Variants in SOS2 observed in about 807,000 individuals in gnomAD.
The protein encoded by SOS2 is son of sevenless homolog 2.
A neutral mutation model predicts 148.2 loss-of-function variants in SOS2; 65 were observed. The ratio of observed to expected loss-of-function variants is 0.44; its 90% CI spans 0.36 to 0.54. SOS2 has a LOEUF of 0.54. SOS2 is among the 20% of genes least tolerant of loss of function. The pLI is 0.00. For synonymous variants in SOS2, 539 were observed against 537.1 expected (o/e 1.00, Z -0.05); for missense variants, 1,341 against 1,590.2 (o/e 0.84, Z 2.67).
At chr14:50,199,613 T>C in intron 4 of SOS2, 78 bp downstream of exon 4, 1 of 810,842 alleles carries the variant, frequency 1.2e-6, no homozygotes, top group Non-Finnish European at 1.9e-6. Context: ...ACTTATCTAA[T>C]AATGTACACA....
intron 16 of SOS2, among the ~76,000 whole-genome samples, chr14:50,143,342 A>AG (rs1884356824): frequency 6.6e-6 from 1 of 151,460 alleles, no homozygotes; most frequent in Admixed American, 6.6e-5. Context: ...AAAAAAAAAA[A>AG]AAAAATCAAC....
intron 21 of SOS2, among the ~76,000 whole-genome samples, chr14:50,122,775 C>T (rs1366668001): frequency 6.6e-6 from 1 of 152,196 alleles, no homozygotes. Flanking sequence ...TCTTTATGAA[C>T]TTTTTTAGTG....
chr14:50,148,359 G>A (rs368118973), intron 14 of SOS2, among the ~76,000 whole-genome samples: 12 of 148,188 alleles, frequency 8.1e-5, no homozygotes, highest in African/African-American at 2.5e-4. Context: ...GCAGTGAGCC[G>A]AGATTGCACA....
chr14:50,168,710 C>T (rs1029280339), intron 8 of SOS2, among the ~76,000 whole-genome samples: 1 of 151,998 alleles, frequency 6.6e-6, no homozygotes, highest in African/African-American at 2.4e-5. Flanking sequence ...AGTACTCATC[C>T]AAAATAAATT....
intron 21 of SOS2, among the ~76,000 whole-genome samples, chr14:50,121,058 A>T (rs1365464757): frequency 1.3e-5 from 2 of 152,126 alleles, no homozygotes; most frequent in Non-Finnish European, 2.9e-5. Flanking sequence ...TTTTTGAAGC[A>T]GCTATGATTG....
chr14:50,143,601 C>T (rs1174393777), intron 16 of SOS2, among the ~76,000 whole-genome samples: 2 of 151,976 alleles, frequency 1.3e-5, no homozygotes, highest in African/African-American at 4.8e-5. Context: ...ACCACCATGC[C>T]TGACTAATTT....
At chr14:50,190,474 A>T (rs1308603051) in intron 4 of SOS2, among the ~76,000 whole-genome samples, 1 of 152,204 alleles carries the variant, frequency 6.6e-6, no homozygotes, top group African/African-American at 2.4e-5. Flanking sequence ...AATATCTTAT[A>T]AGCATCTTTT....
chr14:50,120,437 T>G (rs1215980494), intron 21 of SOS2, 53 bp from the exon 22 acceptor site: 4 of 837,950 alleles, frequency 4.8e-6, no homozygotes, highest in Non-Finnish European at 7.9e-6. Flanking sequence ...AGATAAACCT[T>G]TATCACAATT....
chr14:50,131,759 G>T (rs1194398046), intron 19 of SOS2, among the ~76,000 whole-genome samples: 1 of 152,156 alleles, frequency 6.6e-6, no homozygotes, highest in African/African-American at 2.4e-5. Flanking sequence ...ATGCCCCAAA[G>T]AAATCAGCTG....
intron 1 of SOS2, among the ~76,000 whole-genome samples, chr14:50,207,341 C>T (rs1886693598): frequency 6.6e-6 from 1 of 151,832 alleles, no homozygotes; most frequent in Admixed American, 6.6e-5. Flanking sequence ...GGCAAGACCT[C>T]ATCTCTCCAA....
In SOS2 at chr14:50,182,454, TA is replaced by T; in HGVS notation, c.858+8del. The T allele has an allele frequency of 1.9e-6, 3 of 1,613,188 alleles. No homozygotes were observed. In the East Asian group the frequency reaches 6.7e-5, roughly 36 times the overall value. On this transcript the variant is annotated splice_region_variant and intron_variant, in intron 6 of 22. Coordinates refer to ENST00000216373, the MANE Select transcript of SOS2 (RefSeq NM_006939.4). Reference sequence around the variant, plus strand: ...TTTAATGAGAATATAAGTAGTTTTGTAAACTTACTTCTGCCAAATCTTCAAA... The same window carrying T: ...TTTAATGAGAATATAAGTAGTTTTGTAACTTACTTCTGCCAAATCTTCAAA...
chr14:50,157,638 T>A (rs900963149), intron 11 of SOS2, among the ~76,000 whole-genome samples: 1 of 152,160 alleles, frequency 6.6e-6, no homozygotes, highest in African/African-American at 2.4e-5. Context: ...ATTCTGGACA[T>A]GGAAACAACT....
chr14:50,136,472 A>G (rs1884083872), intron 18 of SOS2, among the ~76,000 whole-genome samples: 1 of 152,126 alleles, frequency 6.6e-6, no homozygotes, highest in African/African-American at 2.4e-5. Flanking sequence ...TCCTGTGGGG[A>G]CCATATTTCC....
intron 1 of SOS2, among the ~76,000 whole-genome samples, chr14:50,219,285 A>G (rs1004259804): frequency 1.1e-4 from 16 of 152,204 alleles, no homozygotes; most frequent in Non-Finnish European, 1.5e-5. Flanking sequence ...ATGTACATAA[A>G]TAAGTGAATG....
intron 7 of SOS2, among the ~76,000 whole-genome samples, chr14:50,180,065 C>T (rs543208186): frequency 7.3e-5 from 11 of 151,482 alleles, no homozygotes; most frequent in Non-Finnish European, 1.2e-4. Flanking sequence ...AGTGCAGTGG[C>T]GCGATCTCGG....
At chr14:50,150,317 C>T in intron 13 of SOS2, 87 bp from the exon 14 acceptor site, 1 of 938,454 alleles carries the variant, frequency 1.1e-6, no homozygotes, top group Non-Finnish European at 1.7e-6. Flanking sequence ...TTCACCCAGC[C>T]TCAACAGTTA....
At position 50,140,030 on chromosome 14, in the gene SOS2, CA is replaced by C; in HGVS notation, c.2696del (p.Leu899TrpfsTer7). 2 of 1,600,992 alleles carry C rather than the reference CA, an allele frequency of 1.2e-6. No homozygotes were observed. Among genetic ancestry groups the C allele is most frequent in the South Asian group, 1.1e-5 (1 of 89,472 alleles). ...EALQERKRKI[L>X]DEAVELSQDH... ...CTTGACTTAATTCCACAGCTTCGTC[CA>C]AAATTTTCCTTTTCCTTTCCTGCAG... is the stretch of plus-strand genomic sequence containing the variant. On this transcript the variant is annotated frameshift_variant, in exon 17 of 23. Coordinates refer to ENST00000216373, the MANE Select transcript of SOS2 (RefSeq NM_006939.4). LOFTEE classifies it high-confidence loss of function.
chr14:50,226,198 T>C (rs1313065652), intron 1 of SOS2, among the ~76,000 whole-genome samples: 1 of 152,154 alleles, frequency 6.6e-6, no homozygotes, highest in East Asian at 1.9e-4. Context: ...ATCCCAGCAT[T>C]TTTGGAGGCC....
chr14:50,186,097 C>A (rs1273011398), intron 5 of SOS2, among the ~76,000 whole-genome samples: 1 of 152,110 alleles, frequency 6.6e-6, no homozygotes, highest in Non-Finnish European at 1.5e-5. Flanking sequence ...AACTTAAGAT[C>A]ATTTTTAAGT....
Sources: allele counts gnomAD v4.1 joint callset (sites outside exome capture counted in the v4.1 genomes callset), GRCh38; gene constraint gnomAD v4.1.1; transcripts MANE v1.5; gene names NCBI Gene and HGNC (gene_info 2026-07-23, HGNC 2026-07-21).